The following LONP1 variants were observed in gnomAD, a reference collection of about 807,000 sequenced individuals.
LONP1 encodes the protein lon peptidase 1, mitochondrial.
In LONP1, 31 loss-of-function variants were observed where a neutral mutation model predicts 98.5. That is an observed-to-expected ratio of 0.31 (90% CI 0.24 to 0.42). LONP1 has a LOEUF of 0.42. Among genes scored for constraint, LONP1 ranks in the 20% least tolerant of loss-of-function variants. The probability of loss-of-function intolerance (pLI) is 1.00; values close to 1 mark genes in which losing one functional copy is unlikely to be tolerated. For synonymous variants in LONP1, 781 were observed against 594.7 expected, an observed-to-expected ratio of 1.31 and a Z score of -4.56; for missense variants, 1,336 against 1,350.6, an observed-to-expected ratio of 0.99 and a Z score of 0.17.
intron 16 of LONP1, 37 bp from the exon 17 acceptor site, chr19:5,693,499 G>A: frequency 1.9e-6 from 3 of 1,611,792 alleles, no homozygotes; most frequent in Admixed American, 1.7e-5. Context: ...TGAGCAGGTG[G>A]CCAGCAGCCC....
chr19:5,695,544 G>C (rs989301669), intron 13 of LONP1, among the ~76,000 whole-genome samples: 2 of 152,200 alleles, frequency 1.3e-5, no homozygotes. Flanking sequence ...GATGCTGGGA[G>C]GGCCTCAAGG....
At chr19:5,719,349 G>C (rs2055385237) in intron 1 of LONP1, among the ~76,000 whole-genome samples, 1 of 152,196 alleles carries the variant, frequency 6.6e-6, no homozygotes. Flanking sequence ...GAGCGCCTGG[G>C]GCGAGGAGGT....
rs2054826953 is a variant in LONP1, at chr19:5,691,845, A to T, written c.*187T>A. 1 of 807,812 alleles carries T rather than the reference A, an allele frequency of 1.2e-6. No individual in the cohort carries two copies. Among genetic ancestry groups the T allele is most frequent in the Admixed American group, 2.7e-5 (1 of 36,844 alleles). The allele number at this position is 807,812 out of a possible 1,614,324, so 50.0% of individuals were successfully genotyped here. The stretch of plus-strand genomic sequence containing the variant: ...TGAGGAAGCCGCCGTACTGCAAATG[A>T]CTTTAATCATTAAATAGCTTCTATG... On this transcript the variant is annotated 3_prime_UTR_variant, in exon 18 of 18. Transcript: ENST00000360614.
chr19:5,697,451 C>A (rs926710466), intron 10 of LONP1, among the ~76,000 whole-genome samples: 1 of 148,862 alleles, frequency 6.7e-6, no homozygotes, highest in Admixed American at 6.7e-5. Context: ...AACAGGACCA[C>A]GCCTGGTGTG....
chr19:5,701,230 G>T (rs1383481724), intron 8 of LONP1, among the ~76,000 whole-genome samples: 2 of 152,230 alleles, frequency 1.3e-5, no homozygotes, highest in African/African-American at 2.4e-5. Flanking sequence ...CGGATCACAA[G>T]GTCAGGAGAT....
intron 4 of LONP1, among the ~76,000 whole-genome samples, chr19:5,710,532 G>A (rs964735485): frequency 5.3e-5 from 8 of 152,086 alleles, no homozygotes; most frequent in African/African-American, 1.4e-4. Context: ...TGGTGTGTGC[G>A]ACCATGCCCA....
intron 7 of LONP1, among the ~76,000 whole-genome samples, 180 bp downstream of exon 7, chr19:5,706,880 G>A (rs567952409): frequency 1.2e-4 from 18 of 152,336 alleles, no homozygotes; most frequent in African/African-American, 4.3e-4. Context: ...AACGCGGAGA[G>A]TTCCACAGCC....
chr19:5,699,923 A>G (rs979280170), intron 9 of LONP1, among the ~76,000 whole-genome samples: 2 of 151,968 alleles, frequency 1.3e-5, no homozygotes, highest in African/African-American at 4.8e-5. Flanking sequence ...CTCAGGAGTG[A>G]TATTTTAAAA....
intron 17 of LONP1, 39 bp downstream of exon 17, chr19:5,693,256 TGGG>T: frequency 6.3e-7 from 1 of 1,575,214 alleles, no homozygotes; most frequent in Non-Finnish European, 8.7e-7. Flanking sequence ...CGTGGTGGTG[TGGG>T]CCCTGCCAGT....
chr19:5,711,729 G>C, intron 4 of LONP1, 42 bp downstream of exon 4: 1 of 1,534,938 alleles, frequency 6.5e-7, no homozygotes, highest in Non-Finnish European at 8.9e-7. Context: ...GGAGCCCGTG[G>C]GGGAGGCAGC....
chr19:5,719,127 T>C (rs1209250239), intron 1 of LONP1, among the ~76,000 whole-genome samples: 7 of 152,174 alleles, frequency 4.6e-5, no homozygotes, highest in Non-Finnish European at 1.0e-4. Context: ...ACTCCAGGTT[T>C]CCAACAATCC....
intron 5 of LONP1, 116 bp downstream of exon 5, chr19:5,708,226 T>G (rs1422584428): frequency 9.1e-7 from 1 of 1,093,868 alleles, no homozygotes; most frequent in African/African-American, 1.5e-5. Flanking sequence ...AGGCCACTCC[T>G]TGGGGCAGGC....
rs539254072 is a variant in LONP1 at position 5,702,333 on chromosome 19, C to T, written c.1368-1406G>A. ...GGCGTCAGCCCCCCGCCCAGCCAGC[C>T]GCCCCGTCCGGGAGGGAGGTGGGGG... is the stretch of plus-strand genomic sequence containing the variant. On this transcript the variant is annotated intron_variant, in intron 8 of 17. Transcript: ENST00000360614. 1.7e-4 allele frequency among the ~76,000 whole-genome samples: 25 copies of T among 148,964 alleles called. No homozygotes were observed. The East Asian group carries it at 4.7e-3, about 28-fold the overall frequency.
intron 13 of LONP1, 45 bp downstream of exon 13, chr19:5,696,009 C>G (rs766323229): frequency 6.4e-7 from 1 of 1,565,202 alleles, no homozygotes; most frequent in Non-Finnish European, 8.7e-7. Context: ...GGGGGGCGCC[C>G]CCTGCTCTGG....
intron 8 of LONP1, among the ~76,000 whole-genome samples, chr19:5,704,649 G>T (rs781095975): frequency 6.6e-6 from 1 of 152,220 alleles, no homozygotes; most frequent in Non-Finnish European, 1.5e-5. Flanking sequence ...GTTCTGTCCT[G>T]GCTGGACATG....
chr19:5,701,013 G>C, intron 8 of LONP1, 86 bp from the exon 9 acceptor site: 1 of 1,490,028 alleles, frequency 6.7e-7, no homozygotes, highest in Non-Finnish European at 9.3e-7. Context: ...GTTGCAAGGG[G>C]CTTGAAACCC....
chr19:5,711,014 C>T (rs1489534452), intron 4 of LONP1, among the ~76,000 whole-genome samples: 8 of 151,258 alleles, frequency 5.3e-5, no homozygotes, highest in Admixed American at 5.3e-4. Flanking sequence ...TTGACAGAGC[C>T]AGACTCTGTC....
In LONP1 at chr19:5,708,344, G is replaced by A; in HGVS notation, c.930C>T (p.Tyr310=). 1 of 1,611,792 alleles carries A rather than the reference G, an allele frequency of 6.2e-7. No individual in the cohort carries two copies. Among genetic ancestry groups the A allele is most frequent in the Non-Finnish European group, 8.5e-7 (1 of 1,179,766 alleles). Residue 310 remains tyrosine (Y), a splice_region_variant and synonymous_variant, in exon 5 of 18, where the codon TAC becomes TAT. Coordinates refer to ENST00000360614, the MANE Select transcript of LONP1 (RefSeq NM_004793.4). ...CAGCTGCCCGCACAGAGGCCCACCT[G>A]TAGAGAGGGTTCAAGGCAATGATGT... The part of the protein sequence containing the change: ...IRDIIALNPL[Y]RESVLQMMQA...
intron 9 of LONP1, among the ~76,000 whole-genome samples, chr19:5,699,555 G>GTTT (rs35759031): frequency 5.1e-4 from 61 of 118,526 alleles, no homozygotes; most frequent in East Asian, 9.2e-4. Context: ...TCTGGCTCCT[G>GTTT]TTTTTTTTTT....
Sources: allele counts gnomAD v4.1 joint callset (sites outside exome capture counted in the v4.1 genomes callset), GRCh38; gene constraint gnomAD v4.1.1; transcripts MANE v1.5; gene names NCBI Gene and HGNC (gene_info 2026-07-23, HGNC 2026-07-21).